MAG: variants seen among roughly 807,000 people sequenced by gnomAD.
MAG encodes myelin associated glycoprotein, also known as myelin-associated glycoprotein.
A neutral mutation model predicts 60.7 loss-of-function variants in MAG; 30 were observed. The observed-to-expected ratio is 0.49, with a 90% CI of 0.37 to 0.67. The LOEUF (loss-of-function observed/expected upper bound fraction) is 0.67. Ranked by LOEUF, MAG falls within the 30% of genes least tolerant of loss-of-function variation. The pLI, the probability that MAG is intolerant of heterozygous loss-of-function variation, is 0.00. For synonymous variants in MAG, 384 were observed against 376.8 expected, an observed-to-expected ratio of 1.02 and a Z score of -0.22; for missense variants, 795 against 851.7, an observed-to-expected ratio of 0.93 and a Z score of 0.83.
intron 1 of MAG, 64 bp downstream of exon 1, chr19:35,292,268 C>T (rs934677178): frequency 3.5e-5 from 16 of 455,790 alleles, no homozygotes; most frequent in East Asian, 2.1e-4. Flanking sequence ...GGCACCCAGA[C>T]GTGAGCAGGG....
chr19:35,302,444 G>A lies in MAG; in HGVS notation c.971-4G>A, dbSNP rs201450065. The stretch of plus-strand genomic sequence containing the variant: ...CTGACCATCAGTCCCGTCCTACCCC[G>A]CAGATGCACCCTGGAAGCCAACAGT... On this transcript the variant is annotated splice_region_variant and splice_polypyrimidine_tract_variant and intron_variant, in intron 6 of 10. Transcript: ENST00000392213. The A allele has an allele frequency of 6.6e-4, 1,072 of 1,613,916 alleles. 10 individuals carry two copies. The South Asian group carries it at 0.011, about 16-fold the overall frequency.
chr19:35,302,562 A>G lies in MAG; in HGVS notation c.1085A>G (p.Glu362Gly), dbSNP rs2066456343. The G allele has an allele frequency of 1.2e-6, 2 of 1,614,082 alleles. No individual in the cohort carries two copies. The highest frequency in any genetic ancestry group is 2.7e-5 in the African/African-American group (2 of 74,932). ...GACCCTATTCTCACCATCTTCAAGG[A>G]GAAGCAGATCCTGTCCACGGTCATC... is the stretch of plus-strand genomic sequence containing the variant. ...NPDPILTIFK[E>G]KQILSTVIYE... The change falls in exon 7 of 11, where the codon GAG becomes GGG. Residue 362 changes from glutamate to glycine, a missense_variant. Glu to Gly is a moderately conservative substitution (Grantham distance 98, BLOSUM62 -2). Coordinates refer to ENST00000392213, the MANE Select transcript of MAG (RefSeq NM_002361.4).
At position 35,310,750 on chromosome 19, in the gene MAG, A is replaced by G. The variant is rs1478985654; in HGVS notation, c.1616+107A>G. 7 of 897,530 alleles carry G rather than the reference A, an allele frequency of 7.8e-6. No homozygotes were observed. In the Admixed American group the frequency reaches 1.4e-4, roughly 18 times the overall value. 55.6% of individuals were successfully genotyped at this position (897,530 alleles called of 1,614,324 possible). On this transcript the variant is annotated intron_variant, in intron 9 of 10. Coordinates refer to ENST00000392213, the MANE Select transcript of MAG (RefSeq NM_002361.4). The stretch of plus-strand genomic sequence containing the variant: ...GGGGAAGGCAGCACCATAAGTGTAG[A>G]GAAGGCAGATTCTGTTCTGGGAATG...
rs538221050 is a variant in MAG at position 35,308,782 on chromosome 19, T to C, written c.1232-1092T>C. Among the ~76,000 whole-genome samples, 3 of 152,324 alleles carry C rather than the reference T, an allele frequency of 2.0e-5. No homozygotes were observed. In the East Asian group the frequency reaches 5.8e-4, roughly 29 times the overall value. ...ATATTCGTACTTTTTGCTGTATACATTACATTGAACTATGTGAAATTTTTT... is the reference window on the plus strand; with the variant it reads ...ATATTCGTACTTTTTGCTGTATACACTACATTGAACTATGTGAAATTTTTT... On this transcript the variant is annotated intron_variant, in intron 7 of 10. Coordinates refer to ENST00000392213, the MANE Select transcript of MAG (RefSeq NM_002361.4).
intron 1 of MAG, among the ~76,000 whole-genome samples, chr19:35,292,702 C>T (rs1168612928): frequency 6.6e-6 from 1 of 151,840 alleles, no homozygotes; most frequent in Non-Finnish European, 1.5e-5. Context: ...CATGCACCTT[C>T]CTCTGTAAGC....
At chr19:35,310,278 T>G in intron 8 of MAG, 117 bp downstream of exon 8, 1 of 1,330,226 alleles carries the variant, frequency 7.5e-7, no homozygotes, top group South Asian at 1.5e-5. Flanking sequence ...GACAGAAAGG[T>G]CAAATTCTCC....
rs191806287 is a variant in MAG at position 35,312,335 on chromosome 19, G to A, written c.1716+318G>A. On this transcript the variant is annotated intron_variant, in intron 10 of 10. Transcript: ENST00000392213. ...CTGAGTGCCCCAGGAGGTAGGTTCCGGGGGCCTCAGTGTGCCCTCCTCTGG... is the reference window on the plus strand; with the variant it reads ...CTGAGTGCCCCAGGAGGTAGGTTCCAGGGGCCTCAGTGTGCCCTCCTCTGG... The A allele has an allele frequency of 2.2e-4, 352 of 1,610,580 alleles. 4 individuals carry two copies. In the South Asian group the frequency reaches 3.6e-3, roughly 16 times the overall value.
intron 7 of MAG, among the ~76,000 whole-genome samples, chr19:35,304,448 G>A (rs2066469984): frequency 6.6e-6 from 1 of 152,024 alleles, no homozygotes. Flanking sequence ...TATAGTAAGA[G>A]CAGCAGGCAG....
At chr19:35,312,202 A>G in intron 10 of MAG, 185 bp downstream of exon 10, 2 of 1,400,404 alleles carry the variant, frequency 1.4e-6, no homozygotes, top group Non-Finnish European at 2.0e-6. Flanking sequence ...GAAGCTGTGT[A>G]GGGGGCGATG....
At chr19:35,299,940 C>G (rs1408426009) in intron 5 of MAG, 90 bp downstream of exon 5, 1 of 1,038,202 alleles carries the variant, frequency 9.6e-7, no homozygotes, top group Admixed American at 5.6e-5. Flanking sequence ...GGAGGCGGGG[C>G]CGGGCCGTGA....
Position 35,312,030 on chromosome 19 carries a change from C to T in MAG, c.1716+13C>T, listed in dbSNP as rs1599660489. ...AGAGAAGTACGAGGTAAGGACCAGG[C>T]TCCAGGCTGGCCTGGGAACCTGGAT... is the stretch of plus-strand genomic sequence containing the variant. On this transcript the variant is annotated intron_variant, in intron 10 of 10. Coordinates refer to ENST00000392213, the MANE Select transcript of MAG (RefSeq NM_002361.4). The T allele has an allele frequency of 6.2e-7, 1 of 1,607,840 alleles. No homozygotes were observed. The highest frequency in any genetic ancestry group is 2.2e-5 in the East Asian group (1 of 44,506).
chr19:35,307,551 G>A (rs141301170), intron 7 of MAG, among the ~76,000 whole-genome samples: 152 of 152,280 alleles, frequency 1.0e-3, no homozygotes, highest in African/African-American at 3.5e-3. Flanking sequence ...GCCAGGCATG[G>A]TGGCACGCAC....
chr19:35,294,797 A>C (rs2066383677), intron 2 of MAG, among the ~76,000 whole-genome samples: 1 of 152,136 alleles, frequency 6.6e-6, no homozygotes, highest in Admixed American at 6.5e-5. Flanking sequence ...ATAAACTAAA[A>C]TAAAATTAGC....
At chr19:35,299,872 G>GTC in intron 5 of MAG, 22 bp downstream of exon 5, 1 of 880,230 alleles carries the variant, frequency 1.1e-6, no homozygotes, top group Non-Finnish European at 1.6e-6. Context: ...TGCGGGCGGG[G>GTC]CGGGGTGGGG....
Position 35,295,413 on chromosome 19 carries a change from T to C in MAG, c.5T>C (p.Ile2Thr), listed in dbSNP as rs376929746. M[I>T]FLTALPLFWI... Reference sequence around the variant, plus strand: ...ATCACTCACTCGCTGTACAGAATGATATTCCTCACGGCACTGCCTCTGTTC... The same window carrying C: ...ATCACTCACTCGCTGTACAGAATGACATTCCTCACGGCACTGCCTCTGTTC... Residue 2 changes from isoleucine to threonine, a missense_variant, in exon 3 of 11, where the codon ATA (isoleucine) becomes ACA (threonine). By Grantham distance (89) the Ile-to-Thr change is moderately conservative. Transcript: ENST00000392213. The surrounding 1 kb of genome is among the most constrained non-coding windows in gnomAD (Gnocchi z 5.8). 1.9e-6 allele frequency: 3 copies of C among 1,614,068 alleles called. No homozygotes were observed. Among genetic ancestry groups the C allele is most frequent in the East Asian group, 2.2e-5 (1 of 44,882 alleles).
At chr19:35,306,378 G>T (rs9304870) in intron 7 of MAG, among the ~76,000 whole-genome samples, 107,658 of 151,950 alleles carry the variant, frequency 0.71, 39,247 homozygotes, top group African/African-American at 0.89. Flanking sequence ...ACCTCTCTGC[G>T]GGAATGGTTC....
intron 9 of MAG, among the ~76,000 whole-genome samples, chr19:35,311,557 T>C (rs992604087): frequency 5.3e-5 from 8 of 152,192 alleles, no homozygotes; most frequent in Non-Finnish European, 1.2e-4. Flanking sequence ...CCGTGTTTCT[T>C]TCTTGTGGCA....
chr19:35,296,923 CCACACA>C (rs748646572), intron 4 of MAG, among the ~76,000 whole-genome samples: 3 of 150,152 alleles, frequency 2.0e-5, no homozygotes, highest in Non-Finnish European at 3.0e-5. Context: ...ACCAAACACA[CCACACA>C]CACACACTAC....
Position 35,295,236 on chromosome 19 carries a change from G to A in MAG, c.-23-150G>A. ...CATTCCAGCCCGGGCAATGAAACAA[G>A]ACCCTGTCTCAGAAAAATAAGTAAA... On this transcript the variant is annotated intron_variant, in intron 2 of 10. Coordinates refer to ENST00000392213, the MANE Select transcript of MAG (RefSeq NM_002361.4). This position sits in a 1 kb window ranked among gnomAD's most constrained non-coding sequence, Gnocchi z 5.8. 1 of 719,088 alleles carries A rather than the reference G, an allele frequency of 1.4e-6. No homozygotes were observed. Among genetic ancestry groups the A allele is most frequent in the Non-Finnish European group, 2.3e-6 (1 of 427,548 alleles). The allele number at this position is 719,088 out of a possible 1,614,324, so 44.5% of individuals were successfully genotyped here.
Sources: allele counts gnomAD v4.1 joint callset (sites outside exome capture counted in the v4.1 genomes callset), GRCh38; gene constraint gnomAD v4.1.1; non-coding constraint Gnocchi (gnomAD v3.1); transcripts MANE v1.5; gene names NCBI Gene and HGNC (gene_info 2026-07-23, HGNC 2026-07-21).